Variants in WDR27 observed in about 807,000 individuals in gnomAD.
The protein encoded by WDR27 is WD repeat-containing protein 27.
In WDR27, 100 loss-of-function variants were observed where a neutral mutation model predicts 114.4. The ratio of observed to expected loss-of-function variants is 0.87; its 90% CI spans 0.74 to 1.03. The LOEUF (loss-of-function observed/expected upper bound fraction) is 1.03. WDR27 is among the 50% of genes least tolerant of loss of function. The pLI is 0.00. For synonymous variants in WDR27, 449 were observed against 423.1 expected (o/e 1.06, Z -0.75); for missense variants, 1,129 against 1,092.9 (o/e 1.03, Z -0.47).
intron 25 of WDR27, among the ~76,000 whole-genome samples, chr6:169,503,055 GACC>G (rs1381009315): frequency 6.6e-6 from 1 of 152,172 alleles, no homozygotes; most frequent in Admixed American, 6.5e-5. Flanking sequence ...GGAGTACATG[GACC>G]ACAAGACATC....
intron 13 of WDR27, among the ~76,000 whole-genome samples, chr6:169,657,001 C>T (rs1824390946): frequency 6.6e-6 from 1 of 152,164 alleles, no homozygotes; most frequent in African/African-American, 2.4e-5. Flanking sequence ...CAGAACTGTC[C>T]CCATGGTGAT....
At chr6:169,547,844 T>C (rs1168515674) in intron 25 of WDR27, among the ~76,000 whole-genome samples, 1 of 151,852 alleles carries the variant, frequency 6.6e-6, no homozygotes, top group Non-Finnish European at 1.5e-5. Flanking sequence ...GTATACAGAT[T>C]GGTAAAGAAG....
At chr6:169,551,373 C>T (rs973990723) in intron 25 of WDR27, among the ~76,000 whole-genome samples, 3 of 152,184 alleles carry the variant, frequency 2.0e-5, no homozygotes, top group Non-Finnish European at 2.9e-5. Context: ...ACCACTATCT[C>T]TCCTGATTTA....
At chr6:169,663,838 T>A in intron 8 of WDR27, 1 of 326,482 alleles carries the variant, frequency 3.1e-6, no homozygotes, top group Non-Finnish European at 5.6e-6. Context: ...TCATGCAGTG[T>A]ACCTTTCTGA....
intron 21 of WDR27, among the ~76,000 whole-genome samples, chr6:169,628,741 G>A (rs935146586): frequency 6.6e-5 from 10 of 152,194 alleles, no homozygotes; most frequent in African/African-American, 1.2e-4. Flanking sequence ...TATTCCACCC[G>A]TGACTACCAC....
chr6:169,606,328 T>C (rs1243172886), intron 22 of WDR27, among the ~76,000 whole-genome samples: 3 of 152,196 alleles, frequency 2.0e-5, no homozygotes, highest in African/African-American at 7.2e-5. Flanking sequence ...TTATTTAAAG[T>C]TCCAGGATAC....
At chr6:169,599,393 A>G (rs895150402) in intron 23 of WDR27, among the ~76,000 whole-genome samples, 1 of 152,042 alleles carries the variant, frequency 6.6e-6, no homozygotes, top group African/African-American at 2.4e-5. Flanking sequence ...TTATTTATGG[A>G]CTTTTTTTGG....
intron 17 of WDR27, among the ~76,000 whole-genome samples, chr6:169,641,356 T>A (rs1452684054): frequency 6.6e-6 from 1 of 152,162 alleles, no homozygotes; most frequent in Non-Finnish European, 1.5e-5. Context: ...AAGGTGCCCA[T>A]GGGGGACCAC....
At chr6:169,598,678 A>T (rs962919398) in intron 23 of WDR27, among the ~76,000 whole-genome samples, 22 of 152,210 alleles carry the variant, frequency 1.4e-4, no homozygotes, top group Admixed American at 3.9e-4. Context: ...AGAGGCCAGC[A>T]TGACGCAGCC....
intron 17 of WDR27, among the ~76,000 whole-genome samples, chr6:169,639,163 T>C (rs535093529): frequency 6.8e-6 from 1 of 146,310 alleles, no homozygotes; most frequent in East Asian, 2.0e-4. Flanking sequence ...GGGCGTGTAC[T>C]GCGTGGTGCT....
intron 25 of WDR27, among the ~76,000 whole-genome samples, chr6:169,511,418 C>G (rs1055326076): frequency 5.3e-5 from 8 of 152,152 alleles, no homozygotes; most frequent in African/African-American, 1.9e-4. Flanking sequence ...TCAGCACTAA[C>G]AGATTAATAT....
chr6:169,697,593 G>A (rs954628597), intron 1 of WDR27, among the ~76,000 whole-genome samples: 18 of 152,134 alleles, frequency 1.2e-4, no homozygotes, highest in African/African-American at 4.3e-4. Context: ...GGTTCCATCC[G>A]GTACACCTGG....
intron 24 of WDR27, among the ~76,000 whole-genome samples, chr6:169,577,561 TCGGCC>T (rs1802609791): frequency 6.6e-6 from 1 of 152,034 alleles, no homozygotes; most frequent in South Asian, 2.1e-4. Flanking sequence ...GGAGACGAAC[TCGGCC>T]CCGAAGCAGG....
At chr6:169,624,725 C>T (rs1814356904) in intron 21 of WDR27, among the ~76,000 whole-genome samples, 10 of 152,168 alleles carry the variant, frequency 6.6e-5, no homozygotes, top group Admixed American at 6.5e-4. Context: ...GAGAAGAGAG[C>T]TCACCTGACC....
intron 3 of WDR27, chr6:169,671,654 A>G (rs55993177): frequency 0.02 from 3,085 of 152,430 alleles, 46 homozygotes; most frequent in Middle Eastern, 0.095. Flanking sequence ...TGGCACCTTC[A>G]TCCCTTCTCA....
chr6:169,529,349 G>GT (rs1795328370), intron 25 of WDR27, among the ~76,000 whole-genome samples: 1 of 147,144 alleles, frequency 6.8e-6, no homozygotes, highest in Non-Finnish European at 1.5e-5. Context: ...AAGCTATTGT[G>GT]TTTTTTCCCT....
chr6:169,628,740 C>T (rs776587639), intron 21 of WDR27, among the ~76,000 whole-genome samples: 3 of 152,122 alleles, frequency 2.0e-5, no homozygotes, highest in Non-Finnish European at 2.9e-5. Context: ...TTATTCCACC[C>T]GTGACTACCA....
chr6:169,533,790 C>T (rs1795889656), intron 25 of WDR27, among the ~76,000 whole-genome samples: 1 of 152,076 alleles, frequency 6.6e-6, no homozygotes, highest in South Asian at 2.1e-4. Flanking sequence ...AACCATGCAT[C>T]ACCAACTGGT....
At chr6:169,482,051 C>A (rs989724004) in intron 25 of WDR27, among the ~76,000 whole-genome samples, 2 of 152,200 alleles carry the variant, frequency 1.3e-5, no homozygotes, top group African/African-American at 4.8e-5. Flanking sequence ...ATGCAGTGTT[C>A]GGTTTTCTGT....
Sources: gnomAD v4.1 joint callset for allele counts (sites outside exome capture counted in the v4.1 genomes callset) on GRCh38, gnomAD v4.1.1 for gene constraint, MANE v1.5 for transcripts, NCBI Gene and HGNC (gene_info 2026-07-23, HGNC 2026-07-21) for gene names.